The following SYCP1 variants were observed in gnomAD, a reference collection of about 807,000 sequenced individuals.
The protein encoded by SYCP1 is synaptonemal complex protein 1.
SYCP1 carries 64 observed loss-of-function variants against 153.1 expected under a neutral mutation model. The observed-to-expected ratio is 0.42, with a 90% CI of 0.34 to 0.51. SYCP1 has a LOEUF of 0.51. Ranked by LOEUF, SYCP1 falls within the 20% of genes least tolerant of loss-of-function variation. The probability of loss-of-function intolerance (pLI) is 0.06; values close to 1 mark genes in which losing one functional copy is unlikely to be tolerated. For synonymous variants in SYCP1, 384 were observed against 341.8 expected (o/e 1.12, Z -1.36); for missense variants, 997 against 1,049.0 (o/e 0.95, Z 0.68).
At chr1:114,932,222 G>C (rs1669680118) in intron 23 of SYCP1, among the ~76,000 whole-genome samples, 1 of 152,118 alleles carries the variant, frequency 6.6e-6, no homozygotes, top group Non-Finnish European at 1.5e-5. Context: ...AAACTTGAAA[G>C]ATCTGTTTAT....
rs1673146712 is a variant in SYCP1, at chr1:114,981,439, A to G, written c.2486A>G (p.His829Arg). 6.2e-7 allele frequency: 1 copy of G among 1,610,656 alleles called. No homozygotes were observed. Among genetic ancestry groups the G allele is most frequent in the Non-Finnish European group, 8.5e-7 (1 of 1,178,640 alleles). ...TCTCGAAATTTCACATCAGTTGATCATGGCATATCCAAAGATAAAAGAGAC... is the reference window on the plus strand; with the variant it reads ...TCTCGAAATTTCACATCAGTTGATCGTGGCATATCCAAAGATAAAAGAGAC... ...TVSRNFTSVDHGISKDKRDYL... is the reference protein window; with the variant it reads ...TVSRNFTSVDRGISKDKRDYL... The change falls in exon 29 of 32, where the codon CAT (histidine) becomes CGT (arginine). Residue 829 changes from histidine (H) to arginine (R), a missense_variant. Physicochemically the swap from His to Arg is conservative, Grantham distance 29. This residue lies in a region of SYCP1 where 712 missense variants were observed against 682.9 expected (regional missense o/e 1.04). Transcript: ENST00000369522.
At chr1:114,881,212 T>C (rs1218290506) in intron 12 of SYCP1, among the ~76,000 whole-genome samples, 1 of 152,236 alleles carries the variant, frequency 6.6e-6, no homozygotes, top group Non-Finnish European at 1.5e-5. Flanking sequence ...TACTGTTTTG[T>C]ACAGACAATA....
At chr1:114,900,589 C>T (rs1212168062) in intron 16 of SYCP1, among the ~76,000 whole-genome samples, 1 of 152,172 alleles carries the variant, frequency 6.6e-6, no homozygotes, top group Non-Finnish European at 1.5e-5. Context: ...CCTCTTATAA[C>T]CTTTTATTAA....
At chr1:114,862,999 G>A (rs1183637047) in intron 8 of SYCP1, 1 of 152,084 alleles carries the variant, frequency 6.6e-6, no homozygotes, top group Non-Finnish European at 1.5e-5. Context: ...ATATTCCATG[G>A]TGTATATGTG....
intron 17 of SYCP1, among the ~76,000 whole-genome samples, chr1:114,911,056 A>T (rs924458789): frequency 6.6e-6 from 1 of 152,046 alleles, no homozygotes. Context: ...CCAGTCCATG[A>T]CAGTATTACA....
chr1:114,877,868 T>A (rs1005384555), intron 11 of SYCP1, among the ~76,000 whole-genome samples: 1 of 152,162 alleles, frequency 6.6e-6, no homozygotes, highest in African/African-American at 2.4e-5. Context: ...ATACCGATGT[T>A]TAGAGATTGC....
intron 23 of SYCP1, among the ~76,000 whole-genome samples, chr1:114,930,914 A>G (rs1570794965): frequency 6.6e-6 from 1 of 151,936 alleles, no homozygotes. Context: ...GATAAAAACC[A>G]TATTACATCA....
intron 21 of SYCP1, 119 bp downstream of exon 21, chr1:114,923,649 C>A: frequency 9.9e-7 from 1 of 1,009,028 alleles, no homozygotes; most frequent in South Asian, 2.5e-5. Context: ...GATCTAGAGA[C>A]TGTCATCAGC....
At chr1:114,960,178 T>C (rs1448500593) in intron 27 of SYCP1, among the ~76,000 whole-genome samples, 1 of 145,084 alleles carries the variant, frequency 6.9e-6, no homozygotes, top group Non-Finnish European at 1.5e-5. Flanking sequence ...TTTTTTTTTT[T>C]TTTTTTTGAG....
chr1:114,875,252 C>CT (rs1665430510), intron 9 of SYCP1, among the ~76,000 whole-genome samples: 1 of 143,420 alleles, frequency 7.0e-6, no homozygotes, highest in Non-Finnish European at 1.5e-5. Context: ...AGGGTAGAGA[C>CT]TTTGTCTTCT....
intron 27 of SYCP1, among the ~76,000 whole-genome samples, chr1:114,953,934 T>C (rs1369389879): frequency 1.3e-5 from 2 of 152,216 alleles, no homozygotes; most frequent in African/African-American, 4.8e-5. Flanking sequence ...TTTTTCTCCA[T>C]TTATTAGATA....
At chr1:114,897,014 T>A (rs1667117634) in intron 16 of SYCP1, among the ~76,000 whole-genome samples, 1 of 152,198 alleles carries the variant, frequency 6.6e-6, no homozygotes, top group African/African-American at 2.4e-5. Flanking sequence ...GGCTCCTCTT[T>A]CTTGCAAATG....
intron 13 of SYCP1, among the ~76,000 whole-genome samples, chr1:114,885,888 A>G (rs1008395100): frequency 6.6e-6 from 1 of 152,198 alleles, no homozygotes; most frequent in Non-Finnish European, 1.5e-5. Context: ...AATTGAAAGA[A>G]CAGTATGGCT....
chr1:114,859,683 A>G lies in SYCP1; in HGVS notation c.457-60A>G, dbSNP rs569184487. On this transcript the variant is annotated intron_variant, in intron 6 of 31. Transcript: ENST00000369522. The stretch of plus-strand genomic sequence containing the variant: ...TAAAGAAATACTGCTTAATGATTAT[A>G]TTCGTGTTTATTTTTGCTAATAAGC... 7.2e-4 allele frequency: 632 copies of G among 879,816 alleles called. 2 individuals are homozygous for G. The highest frequency in any genetic ancestry group is 8.4e-4 in the Admixed American group (17 of 20,126). The allele number at this position is 879,816 out of a possible 1,614,324, so 54.5% of individuals were successfully genotyped here.
At chr1:114,964,593 T>C (rs1671988013) in intron 27 of SYCP1, among the ~76,000 whole-genome samples, 1 of 152,194 alleles carries the variant, frequency 6.6e-6, no homozygotes, top group Admixed American at 6.5e-5. Context: ...TTTCTGCATA[T>C]GGCTAGCCAG....
intron 27 of SYCP1, among the ~76,000 whole-genome samples, chr1:114,962,070 C>T (rs1380045086): frequency 6.6e-6 from 1 of 151,520 alleles, no homozygotes; most frequent in Non-Finnish European, 1.5e-5. Context: ...CTTCGCCTCC[C>T]AGGTTCAAGT....
intron 15 of SYCP1, 32 bp from the exon 16 acceptor site, chr1:114,895,415 CT>C: frequency 7.3e-7 from 1 of 1,373,678 alleles, no homozygotes; most frequent in Non-Finnish European, 9.9e-7. Flanking sequence ...TTTAATCCAG[CT>C]TTTTAACACA....
At chr1:114,881,190 G>C (rs1160608616) in intron 12 of SYCP1, among the ~76,000 whole-genome samples, 1 of 151,648 alleles carries the variant, frequency 6.6e-6, no homozygotes, top group Non-Finnish European at 1.5e-5. Flanking sequence ...TCTATAGATG[G>C]AACATTATTA....
intron 12 of SYCP1, among the ~76,000 whole-genome samples, chr1:114,884,379 A>C (rs1666159776): frequency 6.6e-6 from 1 of 152,116 alleles, no homozygotes; most frequent in South Asian, 2.1e-4. Flanking sequence ...TGCTAATTTA[A>C]TTCTTACTGT....
Sources: allele counts gnomAD v4.1 joint callset (sites outside exome capture counted in the v4.1 genomes callset), GRCh38; gene constraint gnomAD v4.1.1; regional missense constraint gnomAD v4.1.1; transcripts MANE v1.5; gene names NCBI Gene and HGNC (gene_info 2026-07-23, HGNC 2026-07-21).